The following FUT8 variants were observed in gnomAD, a reference collection of about 807,000 sequenced individuals.
FUT8 encodes the protein alpha-(1,6)-fucosyltransferase.
A neutral mutation model predicts 71.3 loss-of-function variants in FUT8; 29 were observed. The observed-to-expected ratio is 0.41, with a 90% confidence interval of 0.30 to 0.55. FUT8 has a LOEUF of 0.55. FUT8 is among the 20% of genes least tolerant of loss of function. The probability of loss-of-function intolerance (pLI) is 0.34; values close to 1 mark genes in which losing one functional copy is unlikely to be tolerated. For missense variants in FUT8, 544 were observed against 702.1 expected, an observed-to-expected ratio of 0.77 and a Z score of 2.55; for synonymous variants, 254 against 239.3, an observed-to-expected ratio of 1.06 and a Z score of -0.57.
Position 65,483,442 on chromosome 14 carries a change from G to A in FUT8, c.-228+27724G>A, listed in dbSNP as rs188686322. ...AAATTACTGTGTGGCTTTTCTCTCCGGAATGGCTTTACATTTCCATATGAA... is the reference window on the plus strand; with the variant it reads ...AAATTACTGTGTGGCTTTTCTCTCCAGAATGGCTTTACATTTCCATATGAA... On this transcript the variant is annotated intron_variant, in intron 2 of 10. Transcript: ENST00000673929. The surrounding 1 kb of genome is among the most constrained non-coding windows in gnomAD (Gnocchi z 4.4). Among the ~76,000 whole-genome samples the A allele has an allele frequency of 8.5e-5, 13 of 152,134 alleles. No individual in the cohort carries two copies. In the East Asian group the frequency reaches 1.5e-3, roughly 18 times the overall value.
chr14:65,661,903 C>T (rs1327823313), intron 6 of FUT8, among the ~76,000 whole-genome samples: 1 of 152,106 alleles, frequency 6.6e-6, no homozygotes, highest in Admixed American at 6.5e-5. Context: ...AATATCTCAG[C>T]GTTATGATGG....
intron 7 of FUT8, among the ~76,000 whole-genome samples, chr14:65,691,948 CAGA>C (rs1893626988): frequency 6.6e-6 from 1 of 152,190 alleles, no homozygotes; most frequent in Admixed American, 6.5e-5. Context: ...GATCCCAAGG[CAGA>C]AGAATTTTTC....
chr14:65,701,931 T>C (rs1894314984), intron 7 of FUT8, among the ~76,000 whole-genome samples: 1 of 152,170 alleles, frequency 6.6e-6, no homozygotes, highest in Non-Finnish European at 1.5e-5. Flanking sequence ...ACTGAAACTA[T>C]GATAATGGAG....
At chr14:65,686,085 G>T (rs1224869873) in intron 7 of FUT8, among the ~76,000 whole-genome samples, 1 of 152,220 alleles carries the variant, frequency 6.6e-6, no homozygotes. Context: ...GACAACTCCA[G>T]AGTAGAGAAG....
At chr14:65,692,226 G>T (rs1321127230) in intron 7 of FUT8, among the ~76,000 whole-genome samples, 4 of 150,900 alleles carry the variant, frequency 2.7e-5, no homozygotes, top group African/African-American at 9.7e-5. Context: ...TGGCCAGGCG[G>T]GGGGCTGACC....
At position 65,562,901 on chromosome 14, in the gene FUT8, G is replaced by C. The variant is rs114865425; in HGVS notation, c.203+1135G>C. Reference sequence around the variant, plus strand: ...AAATTACCCTTGATGCTATAGAGAGGATGCCCATGGTGCTCTCATTTTCTA... The same window carrying C: ...AAATTACCCTTGATGCTATAGAGAGCATGCCCATGGTGCTCTCATTTTCTA... On this transcript the variant is annotated intron_variant, in intron 3 of 10. Coordinates refer to ENST00000673929, the MANE Select transcript of FUT8 (RefSeq NM_001371533.1). Among the ~76,000 whole-genome samples, 1,480 of 152,116 alleles carry C rather than the reference G, an allele frequency of 9.7e-3. 23 individuals carry two copies. Among genetic ancestry groups the C allele is most frequent in the African/African-American group, 0.034 (1,420 of 41,510 alleles).
At position 65,742,341 on chromosome 14, in the gene FUT8, T is replaced by C; in HGVS notation, c.1659T>C (p.Tyr553=). 1 of 1,612,694 alleles carries C rather than the reference T, an allele frequency of 6.2e-7. No homozygotes were observed. Among genetic ancestry groups the C allele is most frequent in the East Asian group, 2.2e-5 (1 of 44,816 alleles). The change falls in exon 11 of 11, where the codon TAT becomes TAC. Residue 553 remains tyrosine, a synonymous_variant. Transcript: ENST00000673929. ...VNRKLGRTGL[Y]PSYKVREKIE... ...GGAAATTGGGAAGGACGGGCCTATA[T>C]CCCTCCTACAAAGTTCGAGAGAAGA...
intron 6 of FUT8, among the ~76,000 whole-genome samples, chr14:65,653,574 G>T (rs1409578875): frequency 6.6e-6 from 1 of 152,140 alleles, no homozygotes; most frequent in Non-Finnish European, 1.5e-5. Context: ...TAAGTAATTT[G>T]CTGAAAACTG....
chr14:65,729,006 A>G (rs1278386771), intron 9 of FUT8, among the ~76,000 whole-genome samples: 1 of 144,822 alleles, frequency 6.9e-6, no homozygotes, highest in East Asian at 2.0e-4. Flanking sequence ...CCATTCCCCT[A>G]GGTTGCTAAA....
At chr14:65,634,369 G>T (rs1376754431) in intron 6 of FUT8, among the ~76,000 whole-genome samples, 2 of 152,050 alleles carry the variant, frequency 1.3e-5, no homozygotes, top group African/African-American at 4.8e-5. Flanking sequence ...AAGGCAACAT[G>T]CTCGTTAAGA....
intron 7 of FUT8, among the ~76,000 whole-genome samples, chr14:65,681,444 T>C (rs147542736): frequency 2.0e-5 from 3 of 152,324 alleles, no homozygotes; most frequent in African/African-American, 7.2e-5. Context: ...ATCCTCTTGG[T>C]TTCTTACAAG....
At chr14:65,455,802 A>G (rs2065886975) in intron 2 of FUT8, 84 bp downstream of exon 2, 1 of 395,230 alleles carries the variant, frequency 2.5e-6, no homozygotes, top group Non-Finnish European at 4.5e-6. Context: ...GGTTAAAGCT[A>G]CATGTTATGT....
intron 2 of FUT8, among the ~76,000 whole-genome samples, chr14:65,510,342 A>G (rs1349321282): frequency 6.6e-6 from 1 of 151,998 alleles, no homozygotes; most frequent in Non-Finnish European, 1.5e-5. Flanking sequence ...GTATTTCGTT[A>G]TGGATTTTTG....
chr14:65,419,213 T>A (rs2065258806), intron 1 of FUT8, among the ~76,000 whole-genome samples: 1 of 152,112 alleles, frequency 6.6e-6, no homozygotes, highest in African/African-American at 2.4e-5. Flanking sequence ...TGAGCCGAGA[T>A]CTTGCCATTG....
chr14:65,742,530 T>C lies in FUT8; in HGVS notation c.*120T>C, dbSNP rs1335767201. ...AACAAAATAAGGTTATATGAGTAGA[T>C]ACTCTCAGCACCAAGAGCAGCTGGG... is the stretch of plus-strand genomic sequence containing the variant. On this transcript the variant is annotated 3_prime_UTR_variant, in exon 11 of 11. Coordinates refer to ENST00000673929, the MANE Select transcript of FUT8 (RefSeq NM_001371533.1). 2.5e-6 allele frequency: 2 copies of C among 794,002 alleles called. No individual in the cohort carries two copies. The highest frequency in any genetic ancestry group is 3.5e-5 in the African/African-American group (2 of 57,228). The allele number at this position is 794,002 out of a possible 1,614,324, so 49.2% of individuals were successfully genotyped here. A position where few individuals can be genotyped will look rare whatever the true frequency, so the allele number is the denominator to read the frequency against.
intron 2 of FUT8, among the ~76,000 whole-genome samples, chr14:65,463,646 T>G (rs982762762): frequency 3.3e-5 from 5 of 152,186 alleles, no homozygotes; most frequent in Non-Finnish European, 7.3e-5. Context: ...GTGGGCTGTT[T>G]TGATGATTGT....
the FUT8 span, among the ~76,000 whole-genome samples, chr14:65,391,336 C>T: frequency 6.6e-6 from 1 of 152,086 alleles, no homozygotes; most frequent in Non-Finnish European, 1.5e-5. Flanking sequence ...TAAAATTACA[C>T]CCACCCAGTG....
intron 2 of FUT8, among the ~76,000 whole-genome samples, chr14:65,504,201 A>G (rs2066690291): frequency 6.6e-6 from 1 of 152,184 alleles, no homozygotes; most frequent in African/African-American, 2.4e-5. Flanking sequence ...GTAGGATGTT[A>G]ACTGTATGGA....
intron 2 of FUT8, among the ~76,000 whole-genome samples, chr14:65,506,796 C>T (rs904467762): frequency 1.4e-4 from 22 of 152,204 alleles, no homozygotes; most frequent in Non-Finnish European, 2.4e-4. Flanking sequence ...CAAATACACT[C>T]TTAGTTATTT....
Sources: gnomAD v4.1 joint callset for allele counts (sites outside exome capture counted in the v4.1 genomes callset) on GRCh38, gnomAD v4.1.1 for gene constraint, Gnocchi (gnomAD v3.1) non-coding constraint, MANE v1.5 for transcripts, NCBI Gene and HGNC (gene_info 2026-07-23, HGNC 2026-07-21) for gene names.